The following C1QL4 variants were observed in gnomAD, a reference collection of about 807,000 sequenced individuals.
The protein encoded by C1QL4 is complement C1q like 4.
Under a neutral mutation model 13.4 loss-of-function variants are expected in C1QL4, and 5 were observed. The observed-to-expected ratio is 0.37, with a 90% confidence interval of 0.19 to 0.78. C1QL4 has a LOEUF of 0.78. C1QL4 is among the 30% of genes least tolerant of loss of function. The pLI is 0.47. For synonymous variants in C1QL4, 168 were observed against 153.9 expected, an observed-to-expected ratio of 1.09 and a Z score of -0.68; for missense variants, 367 against 361.6, an observed-to-expected ratio of 1.01 and a Z score of -0.12.
Position 49,336,115 on chromosome 12 carries a change from C to G in C1QL4, c.363G>C (p.Glu121Asp), listed in dbSNP as rs776540032. Residue 121 changes from glutamate to aspartate, a missense_variant, in exon 1 of 2, where the codon GAG becomes GAC. Physicochemically the swap from Glu to Asp is conservative, Grantham distance 45. Transcript: ENST00000334221. This position sits in a 1 kb window ranked among gnomAD's most constrained non-coding sequence, Gnocchi z 7.7. ...CGTCGAAGCGCAGCACCTCGTAACC[C>G]TCGTGGGGCCGCCGCAGGCCCGCGT... Reference protein sequence around the residue: ...AFYAGLRRPHEGYEVLRFDDV... With the variant: ...AFYAGLRRPHDGYEVLRFDDV... 15 of 1,611,392 alleles carry G rather than the reference C, an allele frequency of 9.3e-6. No homozygotes were observed. The highest frequency in any genetic ancestry group is 1.3e-5 in the Non-Finnish European group (15 of 1,179,756).
chr12:49,336,435 T>C lies in C1QL4; in HGVS notation c.43A>G (p.Ser15Gly). 1 of 1,549,832 alleles carries C rather than the reference T, an allele frequency of 6.5e-7. No individual in the cohort carries two copies. The highest frequency in any genetic ancestry group is 8.6e-7 in the Non-Finnish European group (1 of 1,161,286). Residue 15 changes from serine to glycine, a missense_variant, in exon 1 of 2, where the codon AGC becomes GGC. Transcript: ENST00000334221. The surrounding 1 kb of genome is among the most constrained non-coding windows in gnomAD (Gnocchi z 7.7). ...LLVAIPLLVH[S>G]SRGPAHYEML... ...TCGTAGTGCGCTGGCCCGCGGGAGC[T>C]GTGCACCAGCAGCGGGATGGCCACC...
At chr12:49,333,398 T>C (rs796167502) in intron 1 of C1QL4, among the ~76,000 whole-genome samples, 165 bp from the exon 2 acceptor site, 3 of 152,286 alleles carry the variant, frequency 2.0e-5, no homozygotes, top group African/African-American at 7.2e-5. Flanking sequence ...TGCCATTCAC[T>C]AGCTGTGTGA....
In C1QL4 at chr12:49,336,731, C is replaced by T. The variant is rs1352814104; in HGVS notation, c.-254G>A. On this transcript the variant is annotated 5_prime_UTR_variant, in exon 1 of 2. Coordinates refer to ENST00000334221, the MANE Select transcript of C1QL4 (RefSeq NM_001008223.2). This position sits in a 1 kb window ranked among gnomAD's most constrained non-coding sequence, Gnocchi z 7.7. Reference sequence around the variant, plus strand: ...CCAAGCCGTCCGTCAAGGGGAGGCCCCTCGTGGGTTACGTCAGGGGCAGCT... The same window carrying T: ...CCAAGCCGTCCGTCAAGGGGAGGCCTCTCGTGGGTTACGTCAGGGGCAGCT... 1 of 457,106 alleles carries T rather than the reference C, an allele frequency of 2.2e-6. No individual in the cohort carries two copies. Among genetic ancestry groups the T allele is most frequent in the Admixed American group, 4.4e-5 (1 of 22,674 alleles). The allele number at this position is 457,106 out of a possible 1,614,324, so 28.3% of individuals were successfully genotyped here. A position where few individuals can be genotyped will look rare whatever the true frequency, so the allele number is the denominator to read the frequency against.
Position 49,332,758 on chromosome 12 carries a change from C to G in C1QL4, c.*296G>C. ...TGAGTCCCGCTATTAAAACTGCTCC[C>G]CATCTCTGTACAAAAGAGAAAGCCA... On this transcript the variant is annotated 3_prime_UTR_variant, in exon 2 of 2. Transcript: ENST00000334221. 2.8e-6 allele frequency: 1 copy of G among 357,030 alleles called. No homozygotes were observed. The highest frequency in any genetic ancestry group is 5.1e-6 in the Non-Finnish European group (1 of 196,668). The allele number at this position is 357,030 out of a possible 1,614,324, so 22.1% of individuals were successfully genotyped here.
In C1QL4 at chr12:49,336,167, G is replaced by A. The variant is rs1490540813; in HGVS notation, c.311C>T (p.Ala104Val). The change falls in exon 1 of 2, where the codon GCC (alanine) becomes GTC (valine). Residue 104 changes from alanine to valine, a missense_variant. Physicochemically the swap from Ala to Val is moderately conservative, Grantham distance 64 (BLOSUM62 0). Transcript: ENST00000334221. The surrounding 1 kb of genome is among the most constrained non-coding windows in gnomAD (Gnocchi z 7.7). ...GPGPGGVAPA[A>V]GYVPRIAFYA... The stretch of plus-strand genomic sequence containing the variant: ...GAAAGCAATGCGAGGCACGTAGCCG[G>A]CAGCGGGCGCCACCCCGCCCGGACC... The A allele has an allele frequency of 4.4e-6, 7 of 1,600,774 alleles. No homozygotes were observed. The highest frequency in any genetic ancestry group is 6.0e-6 in the Non-Finnish European group (7 of 1,173,962).
chr12:49,336,010 G>GTGCTC lies in C1QL4; in HGVS notation c.467_468insGAGCA (p.Phe156LeufsTer22). 1 of 1,611,260 alleles carries GTGCTC rather than the reference G, an allele frequency of 6.2e-7. No individual in the cohort carries two copies. The highest frequency in any genetic ancestry group is 2.2e-5 in the East Asian group (1 of 44,830). On this transcript the variant is annotated frameshift_variant, in exon 1 of 2. Coordinates refer to ENST00000334221, the MANE Select transcript of C1QL4 (RefSeq NM_001008223.2). LOFTEE classifies it high-confidence loss of function. This position sits in a 1 kb window ranked among gnomAD's most constrained non-coding sequence, Gnocchi z 7.7. ...CGCCGCGCATGAGCACGTGGTAAGC[G>GTGCTC]AAGAAGTAGACGCCTGGCATGGGGC...
intron 1 of C1QL4, among the ~76,000 whole-genome samples, chr12:49,334,814 C>G (rs529570730): frequency 1.3e-5 from 2 of 152,170 alleles, no homozygotes; most frequent in Admixed American, 6.5e-5. Flanking sequence ...TCCATGAGGA[C>G]GCACACTCAC....
Position 49,336,212 on chromosome 12 carries a change from G to T in C1QL4, c.266C>A (p.Pro89His), listed in dbSNP as rs970324148. 4 of 1,531,046 alleles carry T rather than the reference G, an allele frequency of 2.6e-6. No homozygotes were observed. The South Asian group carries it at 3.7e-5, about 14-fold the overall frequency. 94.8% of individuals were successfully genotyped at this position (1,531,046 alleles called of 1,614,324 possible). ...CGGACCTGGACCGGGAGGGCCCGGG[G>T]GGCCTGGCCTGCCGGGTTCTCCTGG... Reference protein sequence around the residue: ...GPPGEPGRPGPPGPPGPGPGG... With the variant: ...GPPGEPGRPGHPGPPGPGPGG... The change falls in exon 1 of 2, where the codon CCC becomes CAC. Residue 89 changes from proline to histidine, a missense_variant. By Grantham distance (77) the Pro-to-His change is moderately conservative. Coordinates refer to ENST00000334221, the MANE Select transcript of C1QL4 (RefSeq NM_001008223.2). This position sits in a 1 kb window ranked among gnomAD's most constrained non-coding sequence, Gnocchi z 7.7.
rs1943637838 is a variant in C1QL4 at position 49,336,854 on chromosome 12, T to C, written c.-377A>G. The C allele has an allele frequency of 4.8e-6, 1 of 206,350 alleles. No homozygotes were observed. Among genetic ancestry groups the C allele is most frequent in the Non-Finnish European group, 9.7e-6 (1 of 103,416 alleles). The allele number at this position is 206,350 out of a possible 1,614,324, so 12.8% of individuals were successfully genotyped here. On this transcript the variant is annotated 5_prime_UTR_variant, in exon 1 of 2. Coordinates refer to ENST00000334221, the MANE Select transcript of C1QL4 (RefSeq NM_001008223.2). The surrounding 1 kb of genome is among the most constrained non-coding windows in gnomAD (Gnocchi z 7.7). ...CGCGGCTTCTCGGACGGCTGGTTTC[T>C]TAGGGATCTGAGATGCCTGCTCTCC...
Position 49,336,393 on chromosome 12 carries a change from G to T in C1QL4, c.85C>A (p.Arg29Ser). 6.6e-7 allele frequency: 1 copy of T among 1,503,806 alleles called. No homozygotes were observed. Among genetic ancestry groups the T allele is most frequent in the East Asian group, 2.6e-5 (1 of 39,204 alleles). The allele number at this position is 1,503,806 out of a possible 1,614,324, so 93.2% of individuals were successfully genotyped here. Reference protein sequence around the residue: ...PAHYEMLGRCRMVCDPHGPRG... With the variant: ...PAHYEMLGRCSMVCDPHGPRG... ...GGCCCATGCGGGTCGCACACCATGC[G>T]GCAGCGACCCAGCATCTCGTAGTGC... The change falls in exon 1 of 2, where the codon CGC (arginine) becomes AGC (serine). Residue 29 changes from arginine to serine, a missense_variant. Transcript: ENST00000334221. This position sits in a 1 kb window ranked among gnomAD's most constrained non-coding sequence, Gnocchi z 7.7.
chr12:49,336,062 T>C lies in C1QL4; in HGVS notation c.416A>G (p.Tyr139Cys), dbSNP rs767721060. Residue 139 changes from tyrosine (Y) to cysteine (C), a missense_variant, in exon 1 of 2, where the codon TAC becomes TGC. Tyr to Cys is a radical substitution (Grantham distance 194). Transcript: ENST00000334221. This position sits in a 1 kb window ranked among gnomAD's most constrained non-coding sequence, Gnocchi z 7.7. The part of the protein sequence containing the change: ...DDVVTNVGNA[Y>C]EAASGKFTCP... ...AGTAAACTTGCCGCTGGCTGCCTCG[T>C]AGGCGTTGCCCACGTTGGTCACCAC... The C allele has an allele frequency of 1.2e-6, 2 of 1,612,416 alleles. No homozygotes were observed. The highest frequency in any genetic ancestry group is 2.2e-5 in the South Asian group (2 of 90,992).
chr12:49,335,575 C>G (rs563461913), intron 1 of C1QL4, among the ~76,000 whole-genome samples: 7 of 152,082 alleles, frequency 4.6e-5, no homozygotes, highest in South Asian at 4.1e-4. Flanking sequence ...GGGGGGCTGC[C>G]GCAGAAGAAA....
rs1565674256 is a variant in C1QL4, at chr12:49,332,957, G to C, written c.*97C>G. The stretch of plus-strand genomic sequence containing the variant: ...AACGGAAGGGTCCACCCCACCGCCA[G>C]GCTCTCAAAGGGTGGGGTGGCGCCT... On this transcript the variant is annotated 3_prime_UTR_variant, in exon 2 of 2. Coordinates refer to ENST00000334221, the MANE Select transcript of C1QL4 (RefSeq NM_001008223.2). The C allele has an allele frequency of 4.6e-6, 6 of 1,291,880 alleles. No homozygotes were observed. The highest frequency in any genetic ancestry group is 6.3e-6 in the Non-Finnish European group (6 of 947,988). The allele number at this position is 1,291,880 out of a possible 1,614,324, so 80.0% of individuals were successfully genotyped here.
rs746866328 is a variant in C1QL4 at position 49,336,175 on chromosome 12, C to T, written c.303G>A (p.Ala101=). Residue 101 remains alanine, a synonymous_variant, in exon 1 of 2, where the codon GCG becomes GCA. Coordinates refer to ENST00000334221, the MANE Select transcript of C1QL4 (RefSeq NM_001008223.2). This position sits in a 1 kb window ranked among gnomAD's most constrained non-coding sequence, Gnocchi z 7.7. ...GPPGPGPGGV[A]PAAGYVPRIA... is the part of the protein sequence containing the mutation. ...TGCGAGGCACGTAGCCGGCAGCGGG[C>T]GCCACCCCGCCCGGACCTGGACCGG... 2 of 1,596,502 alleles carry T rather than the reference C, an allele frequency of 1.3e-6. No homozygotes were observed. Among genetic ancestry groups the T allele is most frequent in the Non-Finnish European group, 1.7e-6 (2 of 1,171,960 alleles).
Position 49,336,410 on chromosome 12 carries a change from T to C in C1QL4, c.68A>G (p.Glu23Gly). ...CACCATGCGGCAGCGACCCAGCATC[T>C]CGTAGTGCGCTGGCCCGCGGGAGCT... is the stretch of plus-strand genomic sequence containing the variant. ...VHSSRGPAHY[E>G]MLGRCRMVCD... is the part of the protein sequence containing the mutation. The change falls in exon 1 of 2, where the codon GAG (glutamate) becomes GGG (glycine). Residue 23 changes from glutamate to glycine, a missense_variant. Glu to Gly is a moderately conservative substitution (Grantham distance 98). Transcript: ENST00000334221. The surrounding 1 kb of genome is among the most constrained non-coding windows in gnomAD (Gnocchi z 7.7). 1 of 1,538,300 alleles carries C rather than the reference T, an allele frequency of 6.5e-7. No individual in the cohort carries two copies. Among genetic ancestry groups the C allele is most frequent in the Non-Finnish European group, 8.6e-7 (1 of 1,156,676 alleles).
At position 49,336,428 on chromosome 12, in the gene C1QL4, C is replaced by T. The variant is rs1943633821; in HGVS notation, c.50G>A (p.Arg17His). 4.5e-6 allele frequency: 7 copies of T among 1,548,690 alleles called. No homozygotes were observed. The highest frequency in any genetic ancestry group is 5.2e-6 in the Non-Finnish European group (6 of 1,161,020). The change falls in exon 1 of 2, where the codon CGC (arginine) becomes CAC (histidine). Residue 17 changes from arginine (R) to histidine (H), a missense_variant. By Grantham distance (29) the Arg-to-His change is conservative. Coordinates refer to ENST00000334221, the MANE Select transcript of C1QL4 (RefSeq NM_001008223.2). This position sits in a 1 kb window ranked among gnomAD's most constrained non-coding sequence, Gnocchi z 7.7. ...CAGCATCTCGTAGTGCGCTGGCCCG[C>T]GGGAGCTGTGCACCAGCAGCGGGAT... The part of the protein sequence containing the change: ...VAIPLLVHSS[R>H]GPAHYEMLGR...
Position 49,336,464 on chromosome 12 carries a change from A to G in C1QL4, c.14T>C (p.Leu5Pro). The G allele has an allele frequency of 6.5e-7, 1 of 1,546,842 alleles. No homozygotes were observed. The change falls in exon 1 of 2, where the codon CTG becomes CCG. Residue 5 changes from leucine to proline, a missense_variant. Leu to Pro is a moderately conservative substitution (Grantham distance 98, BLOSUM62 -3). Transcript: ENST00000334221. This position sits in a 1 kb window ranked among gnomAD's most constrained non-coding sequence, Gnocchi z 7.7. The stretch of plus-strand genomic sequence containing the variant: ...CACCAGCAGCGGGATGGCCACCAGC[A>G]GCAGCAGCACCATGGCCACTCCGAC... MVLL[L>P]LVAIPLLVHS...
intron 1 of C1QL4, among the ~76,000 whole-genome samples, chr12:49,333,667 G>A (rs1943609699): frequency 6.6e-6 from 1 of 150,594 alleles, no homozygotes; most frequent in South Asian, 2.1e-4. Flanking sequence ...CTCCCTAGTA[G>A]CTGGGATTAC....
chr12:49,335,511 G>A (rs1943624484), intron 1 of C1QL4, among the ~76,000 whole-genome samples: 1 of 152,208 alleles, frequency 6.6e-6, no homozygotes, highest in African/African-American at 2.4e-5. Context: ...TAATTCGAAG[G>A]AGCCTAGACT....
Sources: gnomAD v4.1 joint callset for allele counts (sites outside exome capture counted in the v4.1 genomes callset) on GRCh38, gnomAD v4.1.1 for gene constraint, Gnocchi (gnomAD v3.1) non-coding constraint, MANE v1.5 for transcripts, NCBI Gene and HGNC (gene_info 2026-07-23, HGNC 2026-07-21) for gene names.